MSN: variants seen among roughly 807,000 people sequenced by gnomAD.
MSN encodes the protein moesin, also known as epididymis luminal protein 70.
In MSN, 2 loss-of-function variants were observed where a neutral mutation model predicts 48.0. The observed-to-expected ratio is 0.04, with a 90% CI of 0.02 to 0.13. The LOEUF is 0.13. Ranked by LOEUF, MSN falls within the 10% of genes least tolerant of loss-of-function variation. The pLI, the probability that MSN is intolerant of heterozygous loss-of-function variation, is 1.00. For missense variants in MSN, 267 were observed against 470.1 expected (o/e 0.57, Z 3.99); for synonymous variants, 146 against 166.9 (o/e 0.87, Z 0.97).
chrX:65,712,147 G>C (rs915184728), intron 1 of MSN, among the ~76,000 whole-genome samples: 1 of 110,964 alleles, frequency 9.0e-6, no homozygotes, highest in Admixed American at 9.6e-5. Context: ...AGGGGTCACT[G>C]ACTTGGCAGG....
At chrX:65,666,035 C>T (rs147759712), upstream of MSN, among the ~76,000 whole-genome samples, 1,257 of 111,762 alleles carry the variant, frequency 0.011, 50 homozygotes, top group Admixed American at 0.095. Context: ...TTTTTGGAGA[C>T]GGAGTCTTGT....
At chrX:65,683,393 GCCACCACCACCACCACCACCA>G (rs535010759) in intron 1 of MSN, among the ~76,000 whole-genome samples, 32 of 91,310 alleles carry the variant, frequency 3.5e-4, no homozygotes, top group Admixed American at 7.5e-4. Context: ...TGCCGCCGCC[GCCACCACCACCACCACCACCA>G]CCACCACCAC....
At chrX:65,616,085 A>T (rs1286502854) in intron 1 of MSN, among the ~76,000 whole-genome samples, 1 of 111,514 alleles carries the variant, frequency 9.0e-6, no homozygotes, top group African/African-American at 3.3e-5. Flanking sequence ...TGGTACCAGT[A>T]CCATGCTGTT....
At chrX:65,720,851 G>C (rs2071509807) in intron 2 of MSN, among the ~76,000 whole-genome samples, 1 of 112,113 alleles carries the variant, frequency 8.9e-6, no homozygotes, top group Non-Finnish European at 1.9e-5. Context: ...GGGCCTGGTG[G>C]GAAAGGGAAG....
At chrX:65,671,431 C>G (rs2070940336) in intron 1 of MSN, among the ~76,000 whole-genome samples, 1 of 111,589 alleles carries the variant, frequency 9.0e-6, no homozygotes, top group Admixed American at 9.5e-5. Flanking sequence ...TTCAGCTAAA[C>G]TTTAACAGGG....
chrX:65,634,667 G>A (rs2070585363), intron 1 of MSN, among the ~76,000 whole-genome samples: 1 of 112,543 alleles, frequency 8.9e-6, no homozygotes, highest in African/African-American at 3.2e-5. Context: ...GCACAAGGAA[G>A]TTTATTAATA....
intron 1 of MSN, among the ~76,000 whole-genome samples, chrX:65,617,600 T>A (rs1374753678): frequency 4.8e-5 from 5 of 104,496 alleles, no homozygotes; most frequent in Non-Finnish European, 7.7e-5. Context: ...TCTCTCTTTT[T>A]TTCTTTATTA....
intron 1 of MSN, among the ~76,000 whole-genome samples, chrX:65,597,656 C>A (rs1409252667): frequency 1.8e-5 from 2 of 112,160 alleles, no homozygotes; most frequent in African/African-American, 6.5e-5. Context: ...TCCAATAGTG[C>A]TTTTTGGCTG....
chrX:65,654,949 C>A (rs2070771092), intron 1 of MSN, among the ~76,000 whole-genome samples: 1 of 111,391 alleles, frequency 9.0e-6, no homozygotes, highest in Admixed American at 9.6e-5. Context: ...TACCTCAACA[C>A]TTAGGATGTG....
chrX:65,611,578 A>T (rs2070321153), intron 1 of MSN, among the ~76,000 whole-genome samples: 1 of 111,691 alleles, frequency 9.0e-6, no homozygotes, highest in Admixed American at 9.6e-5. Context: ...ATTCCATTGT[A>T]TGTCTATACA....
upstream of MSN, among the ~76,000 whole-genome samples, chrX:65,665,730 G>T (rs759303836): frequency 4.5e-5 from 5 of 111,676 alleles, no homozygotes; most frequent in Admixed American, 4.7e-4. Context: ...AAGCCCCGGA[G>T]TCCAGTCCTT....
At chrX:65,670,899 TA>T (rs2070928570) in intron 1 of MSN, among the ~76,000 whole-genome samples, 7 of 584 alleles carry the variant, frequency 0.012, no homozygotes, top group Admixed American at 0.05. Context: ...ATGACAGTTA[TA>T]TATATATATA....
intron 4 of MSN, 21 bp from the exon 5 acceptor site, chrX:65,731,086 C>T (rs1221387936): frequency 1.7e-6 from 2 of 1,175,664 alleles, no homozygotes; most frequent in Non-Finnish European, 1.1e-6. Flanking sequence ...TTAAACTACT[C>T]ATCACCCATT....
At chrX:65,672,933 G>A (rs763212955) in intron 1 of MSN, among the ~76,000 whole-genome samples, 8 of 111,638 alleles carry the variant, frequency 7.2e-5, no homozygotes, top group Non-Finnish European at 1.3e-4. Flanking sequence ...ATTGAACAGC[G>A]CTTATTAAAA....
intron 1 of MSN, among the ~76,000 whole-genome samples, chrX:65,703,988 G>A (rs1357375424): frequency 8.9e-6 from 1 of 112,184 alleles, no homozygotes; most frequent in African/African-American, 3.2e-5. Flanking sequence ...CCAAGTTTGG[G>A]TTTGGATCAG....
chrX:65,615,987 G>A (rs1300093100), intron 1 of MSN, among the ~76,000 whole-genome samples: 2 of 110,639 alleles, frequency 1.8e-5, no homozygotes, highest in African/African-American at 3.3e-5. Context: ...GCTTGTTTTT[G>A]TCAGGTTTGT....
Position 65,735,515 on chromosome X carries a change from A to G in MSN, c.959+85A>G, listed in dbSNP as rs1569468673. The G allele has an allele frequency of 7.1e-6, 7 of 984,303 alleles. No homozygotes were observed. The East Asian group carries it at 2.0e-4, about 28-fold the overall frequency. 81.1% of individuals were successfully genotyped at this position (984,303 alleles called of 1,213,427 possible). On this transcript the variant is annotated intron_variant, in intron 8 of 12. Transcript: ENST00000360270. Reference sequence around the variant, plus strand: ...GCCCTGCATGCTAAGTCAGGACATGAGGCCAACCTAGGACTTCATAGATGA... The same window carrying G: ...GCCCTGCATGCTAAGTCAGGACATGGGGCCAACCTAGGACTTCATAGATGA...
At chrX:65,689,348 A>G (rs1185762823) in intron 1 of MSN, among the ~76,000 whole-genome samples, 2 of 111,609 alleles carry the variant, frequency 1.8e-5, no homozygotes, top group East Asian at 5.6e-4. Context: ...CAAATGGACA[A>G]CTCTACCAGC....
At chrX:65,612,468 T>C (rs1316195945) in intron 1 of MSN, among the ~76,000 whole-genome samples, 1 of 111,830 alleles carries the variant, frequency 8.9e-6, no homozygotes, top group Non-Finnish European at 1.9e-5. Flanking sequence ...ATTCTCTATA[T>C]ATTTTGGATA....
Sources: gnomAD v4.1 joint callset for allele counts (sites outside exome capture counted in the v4.1 genomes callset) on GRCh38, gnomAD v4.1.1 for gene constraint, MANE v1.5 for transcripts, NCBI Gene and HGNC (gene_info 2026-07-23, HGNC 2026-07-21) for gene names.